Variants in RIMS2 observed in about 807,000 individuals in gnomAD.
The protein encoded by RIMS2 is regulating synaptic membrane exocytosis protein 2.
In RIMS2, 59 loss-of-function variants were observed where a neutral mutation model predicts 174.4. The ratio of observed to expected loss-of-function variants is 0.34; its 90% CI spans 0.27 to 0.42. The LOEUF is 0.42. Ranked by LOEUF, RIMS2 falls within the 10% of genes least tolerant of loss-of-function variation. RIMS2 has a pLI of 1.00. For synonymous variants in RIMS2, 606 were observed against 572.5 expected, an observed-to-expected ratio of 1.06 and a Z score of -0.84; for missense variants, 1,620 against 1,666.3, an observed-to-expected ratio of 0.97 and a Z score of 0.48.
intron 19 of RIMS2, among the ~76,000 whole-genome samples, chr8:104,130,472 C>G (rs1205648870): frequency 6.6e-6 from 1 of 152,164 alleles, no homozygotes; most frequent in African/African-American, 2.4e-5. Flanking sequence ...CCAGGTACCT[C>G]TTTCTTGGTT....
Position 103,511,248 on chromosome 8 carries a change from T to C in RIMS2, c.176+10186T>C, listed in dbSNP as rs1032009923. Among the ~76,000 whole-genome samples, 4 of 152,304 alleles carry C rather than the reference T, an allele frequency of 2.6e-5. No individual in the cohort carries two copies. The South Asian group carries it at 8.3e-4, about 32-fold the overall frequency. Reference sequence around the variant, plus strand: ...AAGTACTATTCCTAAGCAGTAGTCATGTTAGTTAATAATTGTATTTATTTT... The same window carrying C: ...AAGTACTATTCCTAAGCAGTAGTCACGTTAGTTAATAATTGTATTTATTTT... On this transcript the variant is annotated intron_variant, in intron 1 of 23. Transcript: ENST00000504942.
intron 19 of RIMS2, among the ~76,000 whole-genome samples, chr8:104,240,258 C>T (rs2099279775): frequency 6.6e-6 from 1 of 152,150 alleles, no homozygotes. Context: ...TGTAAAGTAA[C>T]ATAATCATGG....
At chr8:103,817,082 AAT>A (rs2098722473) in intron 3 of RIMS2, among the ~76,000 whole-genome samples, 2 of 152,202 alleles carry the variant, frequency 1.3e-5, no homozygotes, top group African/African-American at 4.8e-5. Context: ...GAAATTTAAA[AAT>A]GTTTGTTTAC....
chr8:103,785,665 G>A (rs951037893), intron 3 of RIMS2, among the ~76,000 whole-genome samples: 3 of 152,044 alleles, frequency 2.0e-5, no homozygotes, highest in South Asian at 2.1e-4. Context: ...TGCTGGATTC[G>A]TTTAGCCAGT....
rs150724223 is a variant in RIMS2, at chr8:104,144,894, T to C, written c.3335-100022T>C. On this transcript the variant is annotated intron_variant, in intron 19 of 23. Coordinates refer to ENST00000504942, the Ensembl canonical transcript of RIMS2. Reference sequence around the variant, plus strand: ...AAACTCTGGGATTTGAATTTACCTGTGTCCCCTAGTAGTAGGGTAATTCCA... The same window carrying C: ...AAACTCTGGGATTTGAATTTACCTGCGTCCCCTAGTAGTAGGGTAATTCCA... Among the ~76,000 whole-genome samples, 948 of 152,266 alleles carry C rather than the reference T, an allele frequency of 6.2e-3. 15 individuals are homozygous for C. Among genetic ancestry groups the C allele is most frequent in the African/African-American group, 0.021 (886 of 41,564 alleles).
At chr8:103,563,279 T>C (rs2091885546) in intron 1 of RIMS2, among the ~76,000 whole-genome samples, 2 of 152,204 alleles carry the variant, frequency 1.3e-5, no homozygotes, top group African/African-American at 4.8e-5. Context: ...CTTTTAAAAC[T>C]GAATGCCTTT....
chr8:104,010,986 A>G (rs565505214), intron 17 of RIMS2, among the ~76,000 whole-genome samples: 24 of 152,310 alleles, frequency 1.6e-4, no homozygotes, highest in African/African-American at 5.8e-4. Context: ...CCCACTTTTC[A>G]GTTGCTGCTA....
At chr8:103,613,081 A>G (rs2095423506) in intron 1 of RIMS2, among the ~76,000 whole-genome samples, 1 of 152,080 alleles carries the variant, frequency 6.6e-6, no homozygotes. Flanking sequence ...AGGGCTCTAC[A>G]ATTAGCAGAT....
At chr8:104,104,004 A>T (rs993063121) in intron 19 of RIMS2, among the ~76,000 whole-genome samples, 5 of 152,170 alleles carry the variant, frequency 3.3e-5, no homozygotes, top group African/African-American at 1.2e-4. Context: ...AACCTACTAG[A>T]GTAAGAACCT....
intron 1 of RIMS2, among the ~76,000 whole-genome samples, chr8:103,569,396 A>G (rs577251469): frequency 6.6e-6 from 1 of 152,286 alleles, no homozygotes; most frequent in African/African-American, 2.4e-5. Context: ...TCTGAAAAAA[A>G]GCTAACTTGG....
intron 1 of RIMS2, among the ~76,000 whole-genome samples, chr8:103,571,797 C>T (rs2092827975): frequency 6.6e-6 from 1 of 152,120 alleles, no homozygotes; most frequent in Non-Finnish European, 1.5e-5. Context: ...GGACTCTCTC[C>T]ATTGGTCTCT....
chr8:104,232,221 G>A (rs1275640924), intron 19 of RIMS2, among the ~76,000 whole-genome samples: 1 of 152,190 alleles, frequency 6.6e-6, no homozygotes, highest in Non-Finnish European at 1.5e-5. Flanking sequence ...TGTTGTTATT[G>A]TGGAATGAAA....
chr8:104,179,381 T>C (rs2098926819), intron 19 of RIMS2, among the ~76,000 whole-genome samples: 1 of 152,032 alleles, frequency 6.6e-6, no homozygotes, highest in Non-Finnish European at 1.5e-5. Context: ...TTATGCTTAT[T>C]ATCTTATTAA....
chr8:104,006,552 A>G (rs1013136680), intron 17 of RIMS2, among the ~76,000 whole-genome samples: 3 of 152,062 alleles, frequency 2.0e-5, no homozygotes, highest in African/African-American at 7.2e-5. Flanking sequence ...CTCCTCAAAA[A>G]TAAAAATAAA....
At chr8:103,709,258 GT>G (rs940570306) in intron 2 of RIMS2, among the ~76,000 whole-genome samples, 4 of 150,036 alleles carry the variant, frequency 2.7e-5, no homozygotes, top group African/African-American at 9.8e-5. Flanking sequence ...TATAATTATT[GT>G]TTCGATATTC....
At chr8:103,704,706 A>T (rs1176746963) in intron 2 of RIMS2, among the ~76,000 whole-genome samples, 2 of 151,978 alleles carry the variant, frequency 1.3e-5, no homozygotes, top group African/African-American at 4.8e-5. Flanking sequence ...GGTAGGTTGT[A>T]TGTGTCTAGA....
At chr8:103,646,949 A>G (rs2096347884) in intron 1 of RIMS2, among the ~76,000 whole-genome samples, 1 of 152,210 alleles carries the variant, frequency 6.6e-6, no homozygotes, top group Admixed American at 6.5e-5. Context: ...TTGCCCATTC[A>G]GTATGATACT....
intron 19 of RIMS2, among the ~76,000 whole-genome samples, chr8:104,033,783 G>A (rs978662048): frequency 2.6e-5 from 4 of 151,950 alleles, no homozygotes; most frequent in Admixed American, 2.0e-4. Flanking sequence ...TTTCTAAAAG[G>A]AAATTGGGAT....
intron 3 of RIMS2, among the ~76,000 whole-genome samples, chr8:103,788,100 G>A (rs182003862): frequency 1.3e-5 from 2 of 150,158 alleles, no homozygotes; most frequent in Non-Finnish European, 3.0e-5. Context: ...CGTAGTTCTC[G>A]AGCCTTGGTT....
Sources: allele counts gnomAD v4.1 joint callset (sites outside exome capture counted in the v4.1 genomes callset), GRCh38; gene constraint gnomAD v4.1.1; transcripts MANE v1.5; gene names NCBI Gene and HGNC (gene_info 2026-07-23, HGNC 2026-07-21).